PNLIPRP3: variants seen among roughly 807,000 people sequenced by gnomAD.
The protein encoded by PNLIPRP3 is pancreatic lipase-related protein 3.
PNLIPRP3 carries 58 observed loss-of-function variants against 52.8 expected under a neutral mutation model. That is an observed-to-expected ratio of 1.10 (90% CI 0.89 to 1.37). The LOEUF (loss-of-function observed/expected upper bound fraction) is 1.37. Ranked by LOEUF, PNLIPRP3 falls within the 40% of genes most tolerant of loss-of-function variation. The pLI is 0.00. For missense variants in PNLIPRP3, 593 were observed against 561.6 expected (o/e 1.06, Z -0.57); for synonymous variants, 192 against 185.0 (o/e 1.04, Z -0.31).
intron 2 of PNLIPRP3, among the ~76,000 whole-genome samples, chr10:116,442,503 C>T (rs969127562): frequency 6.6e-6 from 1 of 152,176 alleles, no homozygotes; most frequent in Admixed American, 6.5e-5. Flanking sequence ...CATTGTCTTG[C>T]AAACATTACT....
At chr10:116,471,745 C>A in intron 9 of PNLIPRP3, 23 bp from the exon 10 acceptor site, 1 of 1,530,528 alleles carries the variant, frequency 6.5e-7, no homozygotes, top group Non-Finnish European at 9.0e-7. Flanking sequence ...CTCTCCCTTT[C>A]CTTCTTGTTT....
chr10:116,468,033 G>A lies in PNLIPRP3; in HGVS notation c.928-1152G>A, dbSNP rs532380120. On this transcript the variant is annotated intron_variant, in intron 8 of 11. Transcript: ENST00000369230. ...CTAGCTACTCGGGAGGCTGAGGCAGGAGAATGGCATCAACCCGGGAGGCGG... is the reference window on the plus strand; with the variant it reads ...CTAGCTACTCGGGAGGCTGAGGCAGAAGAATGGCATCAACCCGGGAGGCGG... Among the ~76,000 whole-genome samples the A allele has an allele frequency of 3.1e-4, 46 of 149,118 alleles. 1 individual carries two copies. The highest frequency in any genetic ancestry group is 3.4e-3 in the Middle Eastern group (1 of 292).
intron 4 of PNLIPRP3, among the ~76,000 whole-genome samples, chr10:116,452,639 C>T (rs1171966674): frequency 6.6e-6 from 1 of 152,200 alleles, no homozygotes; most frequent in African/African-American, 2.4e-5. Flanking sequence ...CCCAGCTGCT[C>T]AGGCTCCACC....
rs761279170 is a variant in PNLIPRP3 at position 116,443,174 on chromosome 10, T to C, written c.324T>C (p.Asn108=). ...GCAAATGGCAGAGAGACATGTGCAA[T>C]GTATGACATGAATAAGCTCCTTTTT... The part of the protein sequence containing the change: ...TDGKWQRDMC[N]VLLQLEDINC... The change falls in exon 3 of 12, where the codon AAT becomes AAC. Residue 108 remains asparagine (N), a splice_region_variant and synonymous_variant. Transcript: ENST00000369230. 1.1e-5 allele frequency: 18 copies of C among 1,606,834 alleles called. No homozygotes were observed. Among genetic ancestry groups the C allele is most frequent in the South Asian group, 2.2e-5 (2 of 89,660 alleles).
chr10:116,444,507 T>C lies in PNLIPRP3; in HGVS notation c.450T>C (p.Val150=). 1 of 1,612,596 alleles carries C rather than the reference T, an allele frequency of 6.2e-7. No homozygotes were observed. ...VGAEVAYFID[V]LMKKFEYSPS... is the part of the protein sequence containing the mutation. ...CTGAGGTGGCTTATTTTATTGATGT[T>C]CTCATGGTAAGAAGAGTTGATTTTT... is the stretch of plus-strand genomic sequence containing the variant. The change falls in exon 4 of 12, where the codon GTT becomes GTC. Residue 150 remains valine (V), a synonymous_variant. Coordinates refer to ENST00000369230, the MANE Select transcript of PNLIPRP3 (RefSeq NM_001011709.3).
In PNLIPRP3 at chr10:116,476,834, T is replaced by C. The variant is rs764588871; in HGVS notation, c.1340+15T>C. Reference sequence around the variant, plus strand: ...TATGGATATAAGTAAGTATTGCTTTTTCCTTTTCATTTTCGTAGTTTACAT... The same window carrying C: ...TATGGATATAAGTAAGTATTGCTTTCTCCTTTTCATTTTCGTAGTTTACAT... On this transcript the variant is annotated intron_variant, in intron 11 of 11. Transcript: ENST00000369230. The C allele has an allele frequency of 1.3e-6, 2 of 1,557,804 alleles. No homozygotes were observed. The highest frequency in any genetic ancestry group is 1.7e-6 in the Non-Finnish European group (2 of 1,152,584).
chr10:116,460,823 A>C lies in PNLIPRP3; in HGVS notation c.566-143A>C, dbSNP rs941266986. 5 of 1,129,604 alleles carry C rather than the reference A, an allele frequency of 4.4e-6. No individual in the cohort carries two copies. The South Asian group carries it at 8.3e-5, about 19-fold the overall frequency. The allele number at this position is 1,129,604 out of a possible 1,614,324, so 70.0% of individuals were successfully genotyped here. A position where few individuals can be genotyped will look rare whatever the true frequency, so the allele number is the denominator to read the frequency against. On this transcript the variant is annotated intron_variant, in intron 5 of 11. Coordinates refer to ENST00000369230, the MANE Select transcript of PNLIPRP3 (RefSeq NM_001011709.3). ...TGCAATATATAGAGACCCTACATTT[A>C]TAGATTTAGGTTATGTATCTGTACT...
chr10:116,471,633 T>C, intron 9 of PNLIPRP3, 135 bp from the exon 10 acceptor site: 1 of 616,454 alleles, frequency 1.6e-6, no homozygotes, highest in Non-Finnish European at 2.8e-6. Context: ...AAAGTTGTAT[T>C]TTTGCATGAA....
intron 5 of PNLIPRP3, among the ~76,000 whole-genome samples, chr10:116,457,174 C>T (rs1403458553): frequency 6.6e-6 from 1 of 152,190 alleles, no homozygotes; most frequent in African/African-American, 2.4e-5. Flanking sequence ...GCTTCTCATA[C>T]CCTTTGACAT....
chr10:116,457,048 G>A (rs926147210), intron 5 of PNLIPRP3, among the ~76,000 whole-genome samples: 1 of 152,220 alleles, frequency 6.6e-6, no homozygotes, highest in African/African-American at 2.4e-5. Flanking sequence ...TTTCATCACA[G>A]TTTTTCATGC....
chr10:116,471,251 A>G (rs1177140710), intron 9 of PNLIPRP3, among the ~76,000 whole-genome samples: 1 of 152,208 alleles, frequency 6.6e-6, no homozygotes, highest in Non-Finnish European at 1.5e-5. Context: ...ATTGATCTGT[A>G]TCTACGTGTA....
intron 7 of PNLIPRP3, among the ~76,000 whole-genome samples, chr10:116,463,231 A>G (rs1384221528): frequency 6.6e-6 from 1 of 152,108 alleles, no homozygotes; most frequent in Non-Finnish European, 1.5e-5. Context: ...GTTATTGCCC[A>G]GCGTTCTGAG....
At position 116,444,299 on chromosome 10, in the gene PNLIPRP3, T is replaced by G; in HGVS notation, c.325-83T>G. 4.1e-6 allele frequency: 5 copies of G among 1,225,652 alleles called. No homozygotes were observed. The South Asian group carries it at 8.5e-5, about 21-fold the overall frequency. 75.9% of individuals were successfully genotyped at this position (1,225,652 alleles called of 1,614,324 possible). A position where few individuals can be genotyped will look rare whatever the true frequency, so the allele number is the denominator to read the frequency against. ...ACCATATCAACCTACTAGTATAATTTCTTATTATGGAATCAAGTGTTGAGA... is the reference window on the plus strand; with the variant it reads ...ACCATATCAACCTACTAGTATAATTGCTTATTATGGAATCAAGTGTTGAGA... On this transcript the variant is annotated intron_variant, in intron 3 of 11. Transcript: ENST00000369230.
intron 2 of PNLIPRP3, among the ~76,000 whole-genome samples, chr10:116,438,753 T>C (rs1178069533): frequency 2.6e-5 from 4 of 152,194 alleles, no homozygotes; most frequent in Admixed American, 2.6e-4. Context: ...GACCCATATG[T>C]TATATGAGTT....
chr10:116,476,436 C>T (rs1393174958), intron 10 of PNLIPRP3, among the ~76,000 whole-genome samples: 1 of 152,140 alleles, frequency 6.6e-6, no homozygotes, highest in Non-Finnish European at 1.5e-5. Context: ...CTAAAAATCA[C>T]CTAGCCAAGC....
intron 2 of PNLIPRP3, chr10:116,439,426 G>A (rs1845825429): frequency 3.3e-6 from 2 of 598,968 alleles, no homozygotes; most frequent in East Asian, 3.0e-5. Flanking sequence ...CCTACTCTAA[G>A]TATTCACAAG....
intron 2 of PNLIPRP3, among the ~76,000 whole-genome samples, chr10:116,442,829 A>T (rs1845877290): frequency 6.6e-6 from 1 of 152,162 alleles, no homozygotes. Flanking sequence ...GAGTCATTGC[A>T]CTTCAGCCTG....
chr10:116,471,816 A>G lies in PNLIPRP3; in HGVS notation c.1109A>G (p.Gln370Arg), dbSNP rs61729307. 6.7e-3 allele frequency: 10,794 copies of G among 1,611,846 alleles called. 735 individuals are homozygous for G. The Admixed American group carries it at 0.14, about 20-fold the overall frequency. The change falls in exon 10 of 12, where the codon CAA (glutamine) becomes CGA (arginine). Residue 370 changes from glutamine (Q) to arginine (R), a missense_variant. Physicochemically the swap from Gln to Arg is conservative, Grantham distance 43. Coordinates refer to ENST00000369230, the MANE Select transcript of PNLIPRP3 (RefSeq NM_001011709.3). ...SVKLSGSEVTQGTVFLRVGGA... is the reference protein window; with the variant it reads ...SVKLSGSEVTRGTVFLRVGGA... The stretch of plus-strand genomic sequence containing the variant: ...AAACTCAGTGGAAGCGAAGTCACTC[A>G]AGGAACTGTCTTTCTTCGTGTAGGC...
chr10:116,436,992 T>C (rs1845783844), intron 2 of PNLIPRP3, 127 bp downstream of exon 2: 2 of 987,608 alleles, frequency 2.0e-6, no homozygotes, highest in East Asian at 2.6e-5. Flanking sequence ...AACATTTCTT[T>C]TCAGTATTAT....
Sources: allele counts gnomAD v4.1 joint callset (sites outside exome capture counted in the v4.1 genomes callset), GRCh38; gene constraint gnomAD v4.1.1; transcripts MANE v1.5; gene names NCBI Gene and HGNC (gene_info 2026-07-23, HGNC 2026-07-21).